MED12L: variants seen among roughly 807,000 people sequenced by gnomAD.
MED12L encodes mediator complex subunit 12L.
In MED12L, 60 loss-of-function variants were observed where a neutral mutation model predicts 281.3. The observed-to-expected ratio is 0.21, with a 90% confidence interval of 0.17 to 0.26. The LOEUF (loss-of-function observed/expected upper bound fraction) is 0.26. MED12L is among the 10% of genes least tolerant of loss of function. The pLI is 1.00. For missense variants in MED12L, 2,146 were observed against 2,680.9 expected, an observed-to-expected ratio of 0.80 and a Z score of 4.41; for synonymous variants, 974 against 987.2, an observed-to-expected ratio of 0.99 and a Z score of 0.25.
At chr3:151,233,735 A>AAAAAAC (rs746595828) in intron 16 of MED12L, among the ~76,000 whole-genome samples, 2 of 152,212 alleles carry the variant, frequency 1.3e-5, no homozygotes, top group Admixed American at 6.5e-5. Context: ...CTCCGTCTCA[A>AAAAAAC]AAAAACAAAA....
At chr3:151,391,839 G>A (rs995205027) in intron 38 of MED12L, among the ~76,000 whole-genome samples, 4 of 152,108 alleles carry the variant, frequency 2.6e-5, no homozygotes, top group African/African-American at 9.7e-5. Context: ...GGAACCTCTG[G>A]CTTTATAGTA....
At chr3:151,211,789 C>T (rs1442517521) in intron 16 of MED12L, among the ~76,000 whole-genome samples, 2 of 152,114 alleles carry the variant, frequency 1.3e-5, no homozygotes, top group African/African-American at 2.4e-5. Flanking sequence ...CTGGGACTAT[C>T]GGCGTATGCC....
At chr3:151,392,467 G>GAAAAAAAAAAAA (rs200781609) in intron 38 of MED12L, among the ~76,000 whole-genome samples, 2 of 95,862 alleles carry the variant, frequency 2.1e-5, no homozygotes, top group Non-Finnish European at 3.9e-5. Flanking sequence ...TCCATCTCAA[G>GAAAAAAAAAAAA]AAAAAAAAAA....
At position 151,122,875 on chromosome 3, in the gene MED12L, A is replaced by G. The variant is rs566933038; in HGVS notation, c.297A>G (p.Lys99=). ...AGAAGAAACCACAAGTTAATGCTAA[A>G]GATAATTATTGGCTGGTTACTGCTC... is the stretch of plus-strand genomic sequence containing the variant. ...TGKKKPQVNA[K]DNYWLVTARS... is the part of the protein sequence containing the mutation. Residue 99 remains lysine (K), a synonymous_variant, in exon 4 of 45, where the codon AAA becomes AAG. Transcript: ENST00000687756. 61 of 1,612,964 alleles carry G rather than the reference A, an allele frequency of 3.8e-5. No homozygotes were observed. The East Asian group carries it at 1.3e-3, about 35-fold the overall frequency.
chr3:151,368,747 T>G (rs535228149), intron 25 of MED12L, among the ~76,000 whole-genome samples: 8 of 134,036 alleles, frequency 6.0e-5, no homozygotes, highest in East Asian at 4.5e-4. Context: ...TTCATTTCAT[T>G]TCATGTCATT....
chr3:151,302,665 C>T (rs1437185545), intron 16 of MED12L, among the ~76,000 whole-genome samples: 1 of 152,122 alleles, frequency 6.6e-6, no homozygotes, highest in Non-Finnish European at 1.5e-5. Flanking sequence ...GAGTTTAATT[C>T]CCTACTTTTC....
intron 16 of MED12L, among the ~76,000 whole-genome samples, chr3:151,303,267 G>C (rs1026295511): frequency 6.6e-6 from 1 of 152,146 alleles, no homozygotes; most frequent in Non-Finnish European, 1.5e-5. Context: ...GGACAAACAC[G>C]TACTGGGAAG....
chr3:151,368,629 TATTTCATTTCATTTC>T lies in MED12L; in HGVS notation c.3550+411_3550+425del, dbSNP rs1159385723. On this transcript the variant is annotated intron_variant, in intron 25 of 44. Transcript: ENST00000687756. The stretch of plus-strand genomic sequence containing the variant: ...TATTTTATTTTATTTTATTTTATTT[TATTTCATTTCATTTC>T]ATTTCATTTCATTTCATTTCATTTC... Among the ~76,000 whole-genome samples the T allele has an allele frequency of 8.6e-3, 800 of 92,842 alleles. 21 individuals carry two copies. Among genetic ancestry groups the T allele is most frequent in the African/African-American group, 0.028 (666 of 23,996 alleles). 60.9% of individuals were successfully genotyped at this position (92,842 alleles called of 152,430 possible). A position where few individuals can be genotyped will look rare whatever the true frequency, so the allele number is the denominator to read the frequency against.
chr3:151,241,624 G>A (rs1734098326), intron 16 of MED12L, among the ~76,000 whole-genome samples: 1 of 151,930 alleles, frequency 6.6e-6, no homozygotes, highest in Non-Finnish European at 1.5e-5. Context: ...ATGTGTGTGT[G>A]TATATACACA....
chr3:151,242,659 G>A (rs1734446974), intron 16 of MED12L, among the ~76,000 whole-genome samples: 1 of 152,190 alleles, frequency 6.6e-6, no homozygotes, highest in Non-Finnish European at 1.5e-5. Context: ...AAACCACAAA[G>A]ATGGGGAAAA....
intron 36 of MED12L, 54 bp downstream of exon 36, chr3:151,385,245 CTTTT>C: frequency 1.1e-6 from 1 of 944,738 alleles, no homozygotes; most frequent in South Asian, 1.7e-5. Flanking sequence ...AGATGAAATA[CTTTT>C]TTTTGTCTTA....
chr3:151,162,101 T>C (rs1478108608), intron 8 of MED12L, among the ~76,000 whole-genome samples: 3 of 152,112 alleles, frequency 2.0e-5, no homozygotes, highest in Non-Finnish European at 4.4e-5. Context: ...TAAAAATATA[T>C]ATATATTTTG....
chr3:151,281,127 G>A (rs926714309), intron 16 of MED12L, among the ~76,000 whole-genome samples: 2 of 149,144 alleles, frequency 1.3e-5, no homozygotes, highest in African/African-American at 5.0e-5. Context: ...GGTGGCTCAC[G>A]CATGTAATCT....
chr3:151,386,449 G>A (rs534028778), intron 36 of MED12L, among the ~76,000 whole-genome samples: 6 of 152,270 alleles, frequency 3.9e-5, no homozygotes, highest in Non-Finnish European at 8.8e-5. Context: ...GAGTGCAGTA[G>A]TGCGATCTTT....
chr3:151,159,774 G>C (rs950755937), intron 7 of MED12L, 58 bp from the exon 8 acceptor site: 56 of 1,473,464 alleles, frequency 3.8e-5, no homozygotes, highest in Non-Finnish European at 5.2e-5. Flanking sequence ...TGTTAAAATA[G>C]TTATTTAACC....
At chr3:151,116,513 T>A in intron 3 of MED12L, 71 bp downstream of exon 3, 2 of 973,326 alleles carry the variant, frequency 2.1e-6, no homozygotes, top group South Asian at 3.0e-5. Flanking sequence ...ATAATCACTG[T>A]TGATAAATTA....
At chr3:151,156,061 T>G (rs1023643706) in intron 5 of MED12L, 100 bp from the exon 6 acceptor site, 20 of 1,030,424 alleles carry the variant, frequency 1.9e-5, no homozygotes, top group Non-Finnish European at 2.8e-5. Flanking sequence ...ATGTTTGTTT[T>G]ATCAGTACAC....
At chr3:151,221,448 G>A (rs952544310) in intron 16 of MED12L, among the ~76,000 whole-genome samples, 2 of 152,290 alleles carry the variant, frequency 1.3e-5, no homozygotes, top group Non-Finnish European at 2.9e-5. Context: ...CCATCACATC[G>A]CAGGCCTGGA....
At chr3:151,254,307 G>A (rs1737406735) in intron 16 of MED12L, among the ~76,000 whole-genome samples, 1 of 152,094 alleles carries the variant, frequency 6.6e-6, no homozygotes, top group African/African-American at 2.4e-5. Flanking sequence ...GGATAAATCA[G>A]CATCTTTCAT....
Sources: allele counts gnomAD v4.1 joint callset (sites outside exome capture counted in the v4.1 genomes callset), GRCh38; gene constraint gnomAD v4.1.1; transcripts MANE v1.5; gene names NCBI Gene and HGNC (gene_info 2026-07-23, HGNC 2026-07-21).